The following GNG7 variants were observed in gnomAD, a reference collection of about 807,000 sequenced individuals.
GNG7 encodes G protein subunit gamma 7, also known as guanine nucleotide-binding protein G(I)/G(S)/G(O) subunit gamma-7.
GNG7 carries 1 observed loss-of-function variant against 4.0 expected under a neutral mutation model. That is an observed-to-expected ratio of 0.25 (90% CI 0.09 to 1.18). The LOEUF (loss-of-function observed/expected upper bound fraction) is 1.18. Among genes scored for constraint, GNG7 ranks in the 50% most tolerant of loss-of-function variants. The pLI, the probability that GNG7 is intolerant of heterozygous loss-of-function variation, is 0.50. For missense variants in GNG7, 86 were observed against 91.9 expected, an observed-to-expected ratio of 0.94 and a Z score of 0.26; for synonymous variants, 34 against 36.9, an observed-to-expected ratio of 0.92 and a Z score of 0.29.
intron 2 of GNG7, among the ~76,000 whole-genome samples, chr19:2,573,903 G>A (rs1005836911): frequency 6.6e-6 from 1 of 152,184 alleles, no homozygotes; most frequent in Non-Finnish European, 1.5e-5. Context: ...ATATGCGAAC[G>A]GGTGAATTAA....
chr19:2,568,967 G>C (rs1255300300), intron 2 of GNG7, among the ~76,000 whole-genome samples: 1 of 118,628 alleles, frequency 8.4e-6, no homozygotes, highest in African/African-American at 2.5e-5. Context: ...ATACAGATCT[G>C]TGCACAAAAA....
At chr19:2,699,351 G>A (rs974568103) in intron 1 of GNG7, among the ~76,000 whole-genome samples, 3 of 152,056 alleles carry the variant, frequency 2.0e-5, no homozygotes, top group Non-Finnish European at 4.4e-5. Flanking sequence ...GTTTCACCAT[G>A]TTGGCCAGGA....
At chr19:2,672,925 G>T (rs1472044832) in intron 1 of GNG7, among the ~76,000 whole-genome samples, 1 of 152,034 alleles carries the variant, frequency 6.6e-6, no homozygotes, top group Non-Finnish European at 1.5e-5. Context: ...ACTCACGTTG[G>T]GGGACATTTT....
intron 1 of GNG7, among the ~76,000 whole-genome samples, chr19:2,688,145 C>T (rs1158351943): frequency 1.3e-5 from 2 of 151,608 alleles, no homozygotes; most frequent in Admixed American, 6.6e-5. Flanking sequence ...CCCAGTTACT[C>T]GGGAGGCTGA....
intron 2 of GNG7, among the ~76,000 whole-genome samples, chr19:2,570,171 G>A (rs190849540): frequency 5.3e-5 from 8 of 151,872 alleles, no homozygotes. Flanking sequence ...CCTTTCTCTC[G>A]CTCCCTCTCT....
In GNG7 at chr19:2,513,670, G is replaced by A; in HGVS notation, c.*1352C>T. ...GGTTCGAGCGACAGGGTAACGTTTT[G>A]AGCGGACGTTTTGATCTCCGGGACA... On this transcript the variant is annotated 3_prime_UTR_variant, in exon 5 of 5. Coordinates refer to ENST00000382159, the MANE Select transcript of GNG7 (RefSeq NM_052847.3). The A allele has an allele frequency of 6.2e-6, 4 of 640,954 alleles. No homozygotes were observed. The highest frequency in any genetic ancestry group is 7.8e-6 in the Non-Finnish European group (4 of 515,708). 39.7% of individuals were successfully genotyped at this position (640,954 alleles called of 1,614,324 possible).
chr19:2,646,027 G>A (rs917172934), intron 2 of GNG7, among the ~76,000 whole-genome samples, 197 bp downstream of exon 2: 3 of 152,126 alleles, frequency 2.0e-5, no homozygotes, highest in Non-Finnish European at 2.9e-5. Flanking sequence ...CCTCGTGGGC[G>A]GGAAACTCTG....
chr19:2,565,446 A>G (rs574873616), intron 2 of GNG7, among the ~76,000 whole-genome samples: 2 of 150,602 alleles, frequency 1.3e-5, no homozygotes, highest in Admixed American at 6.6e-5. Context: ...CGAGAGGCGG[A>G]GGTTGCAGTG....
chr19:2,600,434 A>G (rs1176136125), intron 2 of GNG7, among the ~76,000 whole-genome samples: 1 of 150,884 alleles, frequency 6.6e-6, no homozygotes, highest in African/African-American at 2.4e-5. Context: ...TGTGTGGGAG[A>G]GACTGGGAGG....
chr19:2,566,773 G>A (rs1318168191), intron 2 of GNG7, among the ~76,000 whole-genome samples: 1 of 152,128 alleles, frequency 6.6e-6, no homozygotes, highest in Non-Finnish European at 1.5e-5. Flanking sequence ...TTCTCAATGA[G>A]TGGGCATGGT....
rs527377369 is a variant in GNG7, at chr19:2,511,709, C to T, written c.*3313G>A. 557 of 752,462 alleles carry T rather than the reference C, an allele frequency of 7.4e-4. 2 individuals carry two copies. Among genetic ancestry groups the T allele is most frequent in the Non-Finnish European group, 8.6e-4 (532 of 617,092 alleles). 46.6% of individuals were successfully genotyped at this position (752,462 alleles called of 1,614,324 possible). ...GAGGCCTAGCGTTGCGCCTCGGACA[C>T]GGTGGCCGGCCCGTCAAAGGGACCA... On this transcript the variant is annotated 3_prime_UTR_variant, in exon 5 of 5. Coordinates refer to ENST00000382159, the MANE Select transcript of GNG7 (RefSeq NM_052847.3). The surrounding 1 kb of genome is among the most constrained non-coding windows in gnomAD (Gnocchi z 6.3).
intron 1 of GNG7, among the ~76,000 whole-genome samples, chr19:2,674,792 G>A (rs988339080): frequency 2.0e-5 from 3 of 152,210 alleles, no homozygotes; most frequent in Non-Finnish European, 4.4e-5. Flanking sequence ...AAGTCAGGGA[G>A]TGTTGAAGAA....
At chr19:2,600,925 A>T (rs1202828993) in intron 2 of GNG7, among the ~76,000 whole-genome samples, 4 of 152,156 alleles carry the variant, frequency 2.6e-5, no homozygotes, top group African/African-American at 9.7e-5. Context: ...AGATGGTAAT[A>T]AACCTGCTCA....
chr19:2,685,164 G>C (rs1983841114), intron 1 of GNG7, among the ~76,000 whole-genome samples: 1 of 151,782 alleles, frequency 6.6e-6, no homozygotes, highest in Admixed American at 6.6e-5. Flanking sequence ...AAGTAGGATG[G>C]GAGTGCCAGG....
intron 3 of GNG7, among the ~76,000 whole-genome samples, chr19:2,523,624 A>C (rs10419487): frequency 6.6e-6 from 1 of 151,934 alleles, no homozygotes; most frequent in Non-Finnish European, 1.5e-5. Flanking sequence ...AGAGAGCCTC[A>C]CACACTCACA....
chr19:2,513,607 G>A lies in GNG7; in HGVS notation c.*1415C>T, dbSNP rs753884251. 5.4e-5 allele frequency: 53 copies of A among 984,466 alleles called. No individual in the cohort carries two copies. Among genetic ancestry groups the A allele is most frequent in the Non-Finnish European group, 5.7e-5 (47 of 829,086 alleles). The allele number at this position is 984,466 out of a possible 1,614,324, so 61.0% of individuals were successfully genotyped here. ...AGGCATCTCCCGGCCTCAGACAGCCGTCCTGGGTTGCACGGGGGTGGAAAA... is the reference window on the plus strand; with the variant it reads ...AGGCATCTCCCGGCCTCAGACAGCCATCCTGGGTTGCACGGGGGTGGAAAA... On this transcript the variant is annotated 3_prime_UTR_variant, in exon 5 of 5. Transcript: ENST00000382159.
intron 1 of GNG7, among the ~76,000 whole-genome samples, chr19:2,677,346 G>T (rs145015811): frequency 2.0e-4 from 31 of 151,950 alleles, no homozygotes; most frequent in Non-Finnish European, 3.7e-4. Context: ...TGGTGTCTGG[G>T]GGCATTTGTG....
chr19:2,540,610 G>A (rs566316675), intron 3 of GNG7, among the ~76,000 whole-genome samples: 1 of 152,330 alleles, frequency 6.6e-6, no homozygotes, highest in South Asian at 2.1e-4. Context: ...GGGGTGGTTG[G>A]AGATTTTGCG....
intron 2 of GNG7, among the ~76,000 whole-genome samples, chr19:2,582,152 G>C (rs1980521848): frequency 6.6e-6 from 1 of 152,074 alleles, no homozygotes; most frequent in South Asian, 2.1e-4. Context: ...GAACACAAAA[G>C]CACGTGGAAA....
Sources: allele counts gnomAD v4.1 joint callset (sites outside exome capture counted in the v4.1 genomes callset), GRCh38; gene constraint gnomAD v4.1.1; non-coding constraint Gnocchi (gnomAD v3.1); transcripts MANE v1.5; gene names NCBI Gene and HGNC (gene_info 2026-07-23, HGNC 2026-07-21).